Variants in TNKS observed in about 807,000 individuals in gnomAD.
TNKS encodes the protein tankyrase, also known as poly [ADP-ribose] polymerase tankyrase-1.
A neutral mutation model predicts 135.8 loss-of-function variants in TNKS; 72 were observed. The observed-to-expected ratio is 0.53, with a 90% CI of 0.44 to 0.64. The LOEUF (loss-of-function observed/expected upper bound fraction) is 0.64, where lower values mean the gene tolerates loss of function less well. Among genes scored for constraint, TNKS ranks in the 30% least tolerant of loss-of-function variants. The pLI, the probability that TNKS is intolerant of heterozygous loss-of-function variation, is 0.00. For missense variants in TNKS, 1,769 were observed against 1,674.0 expected (o/e 1.06, Z -0.99); for synonymous variants, 849 against 649.3 (o/e 1.31, Z -4.68).
chr8:9,731,667 C>G (rs969024474), intron 14 of TNKS, among the ~76,000 whole-genome samples: 1 of 152,078 alleles, frequency 6.6e-6, no homozygotes, highest in African/African-American at 2.4e-5. Flanking sequence ...CCTATATGGT[C>G]TGCTTTGCAG....
intron 5 of TNKS, among the ~76,000 whole-genome samples, chr8:9,699,115 T>G (rs1728415430): frequency 6.6e-6 from 1 of 152,254 alleles, no homozygotes. Context: ...GTGGATGTCC[T>G]AAATGTTTGA....
At chr8:9,619,457 C>G (rs925025571) in intron 3 of TNKS, among the ~76,000 whole-genome samples, 2 of 152,140 alleles carry the variant, frequency 1.3e-5, no homozygotes, top group African/African-American at 4.8e-5. Flanking sequence ...TTGTCGTTGT[C>G]AGGACCAAGG....
Position 9,708,500 on chromosome 8 carries a change from TTTA to T in TNKS, c.1578+11_1578+13del. 1 of 1,582,556 alleles carries T rather than the reference TTTA, an allele frequency of 6.3e-7. No homozygotes were observed. Among genetic ancestry groups the T allele is most frequent in the Non-Finnish European group, 8.6e-7 (1 of 1,165,882 alleles). Reference sequence around the variant, plus strand: ...TCTCATGAAACAGCACTGGTAAGATTTTATTGTTAATCTATTCCCTGTGTCTAT... The same window carrying T: ...TCTCATGAAACAGCACTGGTAAGATTTTGTTAATCTATTCCCTGTGTCTAT... On this transcript the variant is annotated intron_variant, in intron 9 of 26. Transcript: ENST00000310430.
intron 1 of TNKS, chr8:9,566,156 TG>T (rs1195741586): frequency 1.3e-5 from 2 of 152,158 alleles, no homozygotes; most frequent in African/African-American, 4.8e-5. Context: ...TGTGGAAATT[TG>T]GTATTTTCAA....
chr8:9,574,431 A>C (rs1026271746), intron 1 of TNKS, among the ~76,000 whole-genome samples: 1 of 151,990 alleles, frequency 6.6e-6, no homozygotes, highest in African/African-American at 2.4e-5. Context: ...TTTTTTTCCA[A>C]CCCACTATCG....
chr8:9,730,535 G>A (rs560323129), intron 13 of TNKS, among the ~76,000 whole-genome samples: 126 of 152,176 alleles, frequency 8.3e-4, no homozygotes, highest in African/African-American at 2.9e-3. Context: ...AAGCAGATAC[G>A]CTATGACAAA....
At chr8:9,623,185 C>T (rs541910753) in intron 3 of TNKS, among the ~76,000 whole-genome samples, 2 of 152,306 alleles carry the variant, frequency 1.3e-5, no homozygotes, top group South Asian at 4.1e-4. Context: ...CGATCTTCTT[C>T]AGTCTTTGCT....
chr8:9,655,462 C>T (rs190022191), intron 3 of TNKS, among the ~76,000 whole-genome samples: 1 of 152,172 alleles, frequency 6.6e-6, no homozygotes, highest in Non-Finnish European at 1.5e-5. Flanking sequence ...GGTCCCTGAC[C>T]CCCGAGTAGC....
intron 3 of TNKS, among the ~76,000 whole-genome samples, chr8:9,650,609 T>C (rs7824880): frequency 0.82 from 125,393 of 152,108 alleles, 52,128 homozygotes; most frequent in Non-Finnish European, 0.88. Context: ...CACTTGTGTA[T>C]CTTCTTTTGA....
At chr8:9,721,368 T>G (rs1285396751) in intron 12 of TNKS, among the ~76,000 whole-genome samples, 1 of 150,068 alleles carries the variant, frequency 6.7e-6, no homozygotes, top group Non-Finnish European at 1.5e-5. Context: ...TGTTAGATAT[T>G]TTAAATATAA....
At chr8:9,591,674 G>A (rs1404410999) in intron 2 of TNKS, among the ~76,000 whole-genome samples, 3 of 152,286 alleles carry the variant, frequency 2.0e-5, no homozygotes, top group East Asian at 1.9e-4. Context: ...AGTTGGATGT[G>A]TGTATTGTGA....
rs938603411 is a variant in TNKS at position 9,779,679 on chromosome 8, T to A, written c.*2943T>A. 1 of 152,184 alleles carries A rather than the reference T, an allele frequency of 6.6e-6. No individual in the cohort carries two copies. Among genetic ancestry groups the A allele is most frequent in the African/African-American group, 2.4e-5 (1 of 41,450 alleles). 9.4% of individuals were successfully genotyped at this position (152,184 alleles called of 1,614,324 possible). A position where few individuals can be genotyped will look rare whatever the true frequency, so the allele number is the denominator to read the frequency against. ...TTCATTTTCTCCTCATCTTGGGTCT[T>A]AAAAAAGGAGACCAGATACCTCCTA... On this transcript the variant is annotated 3_prime_UTR_variant, in exon 27 of 27. Coordinates refer to ENST00000310430, the MANE Select transcript of TNKS (RefSeq NM_003747.3).
chr8:9,700,463 A>T (rs867095234), intron 5 of TNKS, among the ~76,000 whole-genome samples: 5 of 152,156 alleles, frequency 3.3e-5, no homozygotes, highest in African/African-American at 9.7e-5. Context: ...TTTTTGTTTT[A>T]GCCTTAACCT....
chr8:9,618,287 TATAC>T (rs780234421), intron 3 of TNKS, among the ~76,000 whole-genome samples: 7 of 152,218 alleles, frequency 4.6e-5, no homozygotes, highest in Non-Finnish European at 8.8e-5. Context: ...AATACCATCT[TATAC>T]ATAAGAATGC....
intron 9 of TNKS, 139 bp from the exon 10 acceptor site, chr8:9,709,816 C>G: frequency 1.5e-6 from 1 of 661,316 alleles, no homozygotes; most frequent in South Asian, 2.0e-5. Context: ...TGGATCATCT[C>G]TGTGATATAA....
At chr8:9,567,384 G>A (rs1244527582) in intron 1 of TNKS, among the ~76,000 whole-genome samples, 3 of 152,158 alleles carry the variant, frequency 2.0e-5, no homozygotes, top group Admixed American at 1.3e-4. Context: ...CTAAATGGAA[G>A]AAGGAAGGAT....
At chr8:9,580,416 A>G (rs1198645726) in intron 2 of TNKS, 33 bp downstream of exon 2, 3 of 1,587,840 alleles carry the variant, frequency 1.9e-6, no homozygotes, top group African/African-American at 2.7e-5. Context: ...TAAATTTTAA[A>G]TAAAGGTTTA....
rs1349871267 is a variant in TNKS at position 9,780,732 on chromosome 8, G to A, written c.*3996G>A. On this transcript the variant is annotated 3_prime_UTR_variant, in exon 27 of 27. Transcript: ENST00000310430. Reference sequence around the variant, plus strand: ...CCATTTCTTAGTGTTTGAAAGGTGTGTCAGTGAGTCGGCCATGTCTCCATG... The same window carrying A: ...CCATTTCTTAGTGTTTGAAAGGTGTATCAGTGAGTCGGCCATGTCTCCATG... 6.6e-6 allele frequency: 1 copy of A among 152,164 alleles called. No individual in the cohort carries two copies. Among genetic ancestry groups the A allele is most frequent in the African/African-American group, 2.4e-5 (1 of 41,444 alleles). 9.4% of individuals were successfully genotyped at this position (152,164 alleles called of 1,614,324 possible).
chr8:9,708,219 T>C (rs760113053), intron 8 of TNKS, 152 bp from the exon 9 acceptor site: 3 of 623,522 alleles, frequency 4.8e-6, no homozygotes, highest in African/African-American at 1.9e-5. Flanking sequence ...ATCCTCATCT[T>C]TTGCATTTTT....
Sources: gnomAD v4.1 joint callset for allele counts (sites outside exome capture counted in the v4.1 genomes callset) on GRCh38, gnomAD v4.1.1 for gene constraint, MANE v1.5 for transcripts, NCBI Gene and HGNC (gene_info 2026-07-23, HGNC 2026-07-21) for gene names.